FRYL: variants seen among roughly 807,000 people sequenced by gnomAD.
FRYL encodes the protein protein furry homolog-like.
In FRYL, 150 loss-of-function variants were observed where a neutral mutation model predicts 351.2. The ratio of observed to expected loss-of-function variants is 0.43; its 90% CI spans 0.37 to 0.49. FRYL has a LOEUF of 0.49. Ranked by LOEUF, FRYL falls within the 20% of genes least tolerant of loss-of-function variation. The pLI, the probability that FRYL is intolerant of heterozygous loss-of-function variation, is 0.00. For missense variants in FRYL, 3,036 were observed against 3,619.3 expected (o/e 0.84, Z 4.13); for synonymous variants, 1,153 against 1,257.1 (o/e 0.92, Z 1.75).
At chr4:48,587,618 A>G (rs1198993580) in intron 18 of FRYL, among the ~76,000 whole-genome samples, 1 of 151,664 alleles carries the variant, frequency 6.6e-6, no homozygotes, top group Non-Finnish European at 1.5e-5. Flanking sequence ...ATCTCAGCTC[A>G]CTGTAACCTC....
chr4:48,586,351 C>T (rs1225670006), intron 19 of FRYL, among the ~76,000 whole-genome samples: 2 of 151,572 alleles, frequency 1.3e-5, no homozygotes, highest in African/African-American at 4.9e-5. Context: ...ACAGAAATCC[C>T]AGGAAAGAAT....
intron 31 of FRYL, among the ~76,000 whole-genome samples, chr4:48,563,603 G>A (rs767428859): frequency 1.3e-5 from 2 of 151,878 alleles, no homozygotes; most frequent in East Asian, 1.9e-4. Context: ...CTGGCTACTC[G>A]GGAGGTTGAG....
intron 6 of FRYL, among the ~76,000 whole-genome samples, chr4:48,619,667 G>A (rs1750259238): frequency 6.6e-6 from 1 of 151,934 alleles, no homozygotes; most frequent in African/African-American, 2.4e-5. Context: ...ACCATGCCCA[G>A]CTAATTTTAT....
intron 19 of FRYL, 126 bp downstream of exon 19, chr4:48,586,495 A>T (rs914977372): frequency 3.4e-5 from 18 of 537,106 alleles, no homozygotes; most frequent in Non-Finnish European, 5.4e-5. Context: ...TTAGAAAGTA[A>T]ATCAGATAAA....
intron 47 of FRYL, among the ~76,000 whole-genome samples, chr4:48,538,961 T>C (rs1729506652): frequency 6.6e-6 from 1 of 152,206 alleles, no homozygotes; most frequent in South Asian, 2.1e-4. Context: ...TTCCTTATTG[T>C]TCTTGAGAGG....
chr4:48,582,450 T>C, intron 20 of FRYL, 47 bp downstream of exon 20: 1 of 1,162,184 alleles, frequency 8.6e-7, no homozygotes. Flanking sequence ...TTATTGGTCA[T>C]TTAGCACTGA....
At chr4:48,722,437 T>G (rs1475301311) in intron 1 of FRYL, among the ~76,000 whole-genome samples, 5 of 152,212 alleles carry the variant, frequency 3.3e-5, no homozygotes, top group Non-Finnish European at 7.3e-5. Flanking sequence ...ACTACTGACT[T>G]TCTCAAGCTA....
chr4:48,548,539 A>T, intron 40 of FRYL, 151 bp downstream of exon 40: 1 of 598,892 alleles, frequency 1.7e-6, no homozygotes, highest in African/African-American at 1.9e-5. Flanking sequence ...ATAACTCCCC[A>T]AGAGACCAGA....
At chr4:48,587,015 TTAA>T in intron 18 of FRYL, among the ~76,000 whole-genome samples, 1 of 151,696 alleles carries the variant, frequency 6.6e-6, no homozygotes, top group Non-Finnish European at 1.5e-5. Flanking sequence ...TTATTTATAA[TTAA>T]TCTTATTAAT....
chr4:48,633,651 GC>G (rs952633503), intron 4 of FRYL, among the ~76,000 whole-genome samples: 1 of 152,012 alleles, frequency 6.6e-6, no homozygotes, highest in Non-Finnish European at 1.5e-5. Flanking sequence ...CATTCAAAAT[GC>G]CCCCTACTTA....
intron 1 of FRYL, among the ~76,000 whole-genome samples, chr4:48,729,353 G>T (rs1770467953): frequency 6.6e-6 from 1 of 152,238 alleles, no homozygotes; most frequent in South Asian, 2.1e-4. Context: ...AGACTTAAAT[G>T]TCCCTGTCTG....
intron 3 of FRYL, among the ~76,000 whole-genome samples, chr4:48,670,343 A>C (rs1467684812): frequency 6.6e-6 from 1 of 151,832 alleles, no homozygotes; most frequent in Non-Finnish European, 1.5e-5. Flanking sequence ...TGAGGCAGGA[A>C]GACTGCTTGA....
intron 3 of FRYL, among the ~76,000 whole-genome samples, chr4:48,661,289 C>G (rs1760666530): frequency 6.6e-6 from 1 of 152,174 alleles, no homozygotes; most frequent in African/African-American, 2.4e-5. Context: ...TAAATAATTA[C>G]AACATTGTAC....
At chr4:48,667,807 C>T (rs1761992761) in intron 3 of FRYL, among the ~76,000 whole-genome samples, 1 of 152,166 alleles carries the variant, frequency 6.6e-6, no homozygotes, top group African/African-American at 2.4e-5. Flanking sequence ...ACCACTACAG[C>T]TGGCTAATTT....
chr4:48,775,983 A>G (rs894394036), intron 1 of FRYL, among the ~76,000 whole-genome samples: 9 of 151,898 alleles, frequency 5.9e-5, no homozygotes, highest in Admixed American at 3.9e-4. Flanking sequence ...CAATAAATGT[A>G]ATTTACTAAC....
intron 1 of FRYL, among the ~76,000 whole-genome samples, chr4:48,721,509 T>G (rs1201826668): frequency 1.3e-5 from 2 of 151,632 alleles, no homozygotes; most frequent in Non-Finnish European, 2.9e-5. Flanking sequence ...AGAAGTAAAA[T>G]AAATTAAAAA....
At chr4:48,516,530 T>A (rs977661439) in intron 55 of FRYL, among the ~76,000 whole-genome samples, 3 of 152,200 alleles carry the variant, frequency 2.0e-5, no homozygotes, top group Non-Finnish European at 4.4e-5. Flanking sequence ...ACTTCTCAGC[T>A]GTAGAGTAGC....
intron 1 of FRYL, among the ~76,000 whole-genome samples, chr4:48,718,392 ATCTT>A (rs1303297549): frequency 1.3e-5 from 2 of 151,612 alleles, no homozygotes; most frequent in Admixed American, 6.6e-5. Context: ...TAAGGTATGT[ATCTT>A]TCTTTCTCAT....
At chr4:48,513,652 T>C (rs1250674525) in intron 56 of FRYL, among the ~76,000 whole-genome samples, 1 of 152,198 alleles carries the variant, frequency 6.6e-6, no homozygotes, top group Non-Finnish European at 1.5e-5. Flanking sequence ...TGCACTGGAA[T>C]GCATGGAGGG....
Sources: gnomAD v4.1 joint callset for allele counts (sites outside exome capture counted in the v4.1 genomes callset) on GRCh38, gnomAD v4.1.1 for gene constraint, MANE v1.5 for transcripts, NCBI Gene and HGNC (gene_info 2026-07-23, HGNC 2026-07-21) for gene names.